Variants in MEAK7 observed in about 807,000 individuals in gnomAD.
MEAK7 encodes the protein MTOR associated protein MEAK7, also known as MTOR-associated protein MEAK7.
Under a neutral mutation model 40.5 loss-of-function variants are expected in MEAK7, and 68 were observed. That is an observed-to-expected ratio of 1.68 (90% CI 1.38 to 2.06). The LOEUF is 2.06. Among genes scored for constraint, MEAK7 ranks in the 30% most tolerant of loss-of-function variants. The probability of loss-of-function intolerance (pLI) is 0.00; values close to 1 mark genes in which losing one functional copy is unlikely to be tolerated. For synonymous variants in MEAK7, 338 were observed against 231.9 expected (o/e 1.46, Z -4.16); for missense variants, 918 against 580.5 (o/e 1.58, Z -5.98).
chr16:84,482,665 A>G lies in MEAK7; in HGVS notation c.1004T>C (p.Val335Ala), dbSNP rs1912675407. ...FLFSICPSMA[V>A]YTHTGYNDHY... ...GTCGTTGTAGCCCGTGTGTGTGTAC[A>G]CAGCCATGCTGGGGCAGATGGAGAA... is the stretch of plus-strand genomic sequence containing the variant. The change falls in exon 6 of 8, where the codon GTG becomes GCG. Residue 335 changes from valine (V) to alanine (A), a missense_variant. Coordinates refer to ENST00000343629, the MANE Select transcript of MEAK7 (RefSeq NM_020947.4). 1.2e-6 allele frequency: 2 copies of G among 1,614,236 alleles called. No homozygotes were observed. The highest frequency in any genetic ancestry group is 1.7e-6 in the Non-Finnish European group (2 of 1,180,040).
chr16:84,487,918 A>G (rs1181541004), intron 4 of MEAK7: 2 of 152,218 alleles, frequency 1.3e-5, no homozygotes, highest in African/African-American at 4.8e-5. Flanking sequence ...TTACGTCTTA[A>G]GCTCTTGCTG....
At chr16:84,490,658 G>GTGTGTGTA (rs1555513475) in intron 3 of MEAK7, among the ~76,000 whole-genome samples, 2 of 127,586 alleles carry the variant, frequency 1.6e-5, no homozygotes, top group African/African-American at 7.2e-5. Context: ...ATCAAGATGT[G>GTGTGTGTA]TGTGTGTGTG....
chr16:84,495,759 G>A lies in MEAK7; in HGVS notation c.308C>T (p.Ser103Phe). The A allele has an allele frequency of 6.2e-7, 1 of 1,613,960 alleles. No individual in the cohort carries two copies. The highest frequency in any genetic ancestry group is 8.5e-7 in the Non-Finnish European group (1 of 1,180,020). The change falls in exon 3 of 8, where the codon TCC becomes TTC. Residue 103 changes from serine to phenylalanine, a missense_variant. Coordinates refer to ENST00000343629, the MANE Select transcript of MEAK7 (RefSeq NM_020947.4). ...ASMSHLLKGN[S>F]EEKSLMIMKM... Reference sequence around the variant, plus strand: ...CATAATCATGAGACTCTTCTCCTCGGAGTTTCCTTTCAACAGGTGGGACAT... The same window carrying A: ...CATAATCATGAGACTCTTCTCCTCGAAGTTTCCTTTCAACAGGTGGGACAT...
intron 6 of MEAK7, among the ~76,000 whole-genome samples, chr16:84,481,297 T>C (rs1446542649): frequency 2.6e-5 from 4 of 152,182 alleles, no homozygotes; most frequent in Non-Finnish European, 4.4e-5. Context: ...CCTCCTCTGG[T>C]CCCTGGTAGG....
At chr16:84,502,152 A>G (rs1008155005) in intron 1 of MEAK7, among the ~76,000 whole-genome samples, 1 of 151,998 alleles carries the variant, frequency 6.6e-6, no homozygotes, top group Non-Finnish European at 1.5e-5. Flanking sequence ...CTCAAAAAAA[A>G]AAAAGACAAT....
chr16:84,480,787 C>G, intron 6 of MEAK7, 79 bp from the exon 7 acceptor site: 4 of 1,477,614 alleles, frequency 2.7e-6, no homozygotes, highest in Admixed American at 2.3e-5. Flanking sequence ...AAGCCAGCCT[C>G]TCGCCTTAAG....
chr16:84,495,632 T>C (rs1913972729), intron 3 of MEAK7, 51 bp downstream of exon 3: 1 of 1,578,720 alleles, frequency 6.3e-7, no homozygotes, highest in Admixed American at 1.7e-5. Context: ...CCCCCACCGA[T>C]GGTCACCAAG....
chr16:84,486,735 T>G lies in MEAK7; in HGVS notation c.854A>C (p.His285Pro). Residue 285 changes from histidine to proline, a missense_variant, in exon 5 of 8, where the codon CAC (histidine) becomes CCC (proline). Coordinates refer to ENST00000343629, the MANE Select transcript of MEAK7 (RefSeq NM_020947.4). ...HGHSFSQLCG[H>P]ITHRGPCVAV... is the part of the protein sequence containing the mutation. ...CACACAGGGTCCCCGGTGAGTGATGTGGCCACAGAGCTGGGAGAAGCTGTG... is the reference window on the plus strand; with the variant it reads ...CACACAGGGTCCCCGGTGAGTGATGGGGCCACAGAGCTGGGAGAAGCTGTG... 1 of 1,613,992 alleles carries G rather than the reference T, an allele frequency of 6.2e-7. No homozygotes were observed.
At position 84,489,342 on chromosome 16, in the gene MEAK7, G is replaced by A; in HGVS notation, c.465C>T (p.Ala155=). The change falls in exon 4 of 8, where the codon GCC becomes GCT. Residue 155 remains alanine, a synonymous_variant. Coordinates refer to ENST00000343629, the MANE Select transcript of MEAK7 (RefSeq NM_020947.4). The part of the protein sequence containing the change: ...QELRGWTGKE[A]PGPNPRVQVL... Reference sequence around the variant, plus strand: ...CCTGCACCCGGGGGTTGGGCCCTGGGGCTTCCTTCCCAGTCCAGCCTCTCA... The same window carrying A: ...CCTGCACCCGGGGGTTGGGCCCTGGAGCTTCCTTCCCAGTCCAGCCTCTCA... 2 of 1,614,152 alleles carry A rather than the reference G, an allele frequency of 1.2e-6. No individual in the cohort carries two copies. Among genetic ancestry groups the A allele is most frequent in the Admixed American group, 1.7e-5 (1 of 60,028 alleles).
At chr16:84,495,028 G>C (rs555074404) in intron 3 of MEAK7, among the ~76,000 whole-genome samples, 4 of 152,136 alleles carry the variant, frequency 2.6e-5, no homozygotes, top group Non-Finnish European at 5.9e-5. Context: ...TACCACTTTG[G>C]GAGGCCAAGG....
At chr16:84,503,746 C>G (rs1238999588) in intron 1 of MEAK7, among the ~76,000 whole-genome samples, 4 of 152,132 alleles carry the variant, frequency 2.6e-5, no homozygotes, top group Non-Finnish European at 5.9e-5. Flanking sequence ...GAAGGTTGCT[C>G]TGCCTCCGTG....
chr16:84,492,991 C>CA lies in MEAK7; in HGVS notation c.384+2691dup, dbSNP rs547487104. On this transcript the variant is annotated intron_variant, in intron 3 of 7. Coordinates refer to ENST00000343629, the MANE Select transcript of MEAK7 (RefSeq NM_020947.4). ...TTTTGATATTAGGTCCCTTGAGCTC[C>CA]AAGGGAGACATATTGGGCTTACTTG... Among the ~76,000 whole-genome samples the CA allele has an allele frequency of 5.9e-5, 9 of 152,262 alleles. No individual in the cohort carries two copies. In the South Asian group the frequency reaches 1.9e-3, roughly 32 times the overall value.
chr16:84,480,071 C>A, intron 7 of MEAK7, 45 bp from the exon 8 acceptor site: 4 of 1,445,322 alleles, frequency 2.8e-6, no homozygotes, highest in Non-Finnish European at 2.8e-6. Context: ...GATGGCCCAA[C>A]AAGAGGCAGC....
At position 84,479,892 on chromosome 16, in the gene MEAK7, C is replaced by T; in HGVS notation, c.*21G>A. 6.4e-7 allele frequency: 1 copy of T among 1,568,034 alleles called. No individual in the cohort carries two copies. The highest frequency in any genetic ancestry group is 8.7e-7 in the Non-Finnish European group (1 of 1,150,478). On this transcript the variant is annotated 3_prime_UTR_variant, in exon 8 of 8. Coordinates refer to ENST00000343629, the MANE Select transcript of MEAK7 (RefSeq NM_020947.4). ...CCCAGAGGAATCCAGGTCCTGGCTC[C>T]AGGAAGGCTCAGGCGGCTCCTCATT...
intron 3 of MEAK7, among the ~76,000 whole-genome samples, chr16:84,494,396 T>C (rs1913873776): frequency 1.3e-5 from 2 of 152,236 alleles, no homozygotes; most frequent in Non-Finnish European, 2.9e-5. Flanking sequence ...GCTACAAGTC[T>C]TTAAAATAAC....
chr16:84,493,107 G>C (rs766967561), intron 3 of MEAK7, among the ~76,000 whole-genome samples: 1 of 152,180 alleles, frequency 6.6e-6, no homozygotes, highest in Non-Finnish European at 1.5e-5. Flanking sequence ...TTATTAGTAT[G>C]TGTTCCAAAA....
At chr16:84,499,412 A>G (rs1914318425) in intron 1 of MEAK7, among the ~76,000 whole-genome samples, 1 of 152,162 alleles carries the variant, frequency 6.6e-6, no homozygotes, top group African/African-American at 2.4e-5. Context: ...TATTTAGCCA[A>G]GGGGGAAAGG....
Position 84,480,630 on chromosome 16 carries a change from T to C in MEAK7, c.1156A>G (p.Thr386Ala), listed in dbSNP as rs768446060. ...TGCGGGCTGTTGTACGTGGTGCACG[T>C]GGGCTTGGCTCTGCTGTGTCCTTTC... ...FGKGHSRAKP[T>A]CTTYNSPQLS... Residue 386 changes from threonine (T) to alanine (A), a missense_variant, in exon 7 of 8, where the codon ACG becomes GCG. By Grantham distance (58) the Thr-to-Ala change is moderately conservative. Coordinates refer to ENST00000343629, the MANE Select transcript of MEAK7 (RefSeq NM_020947.4). The C allele has an allele frequency of 1.2e-6, 2 of 1,614,032 alleles. No homozygotes were observed. Among genetic ancestry groups the C allele is most frequent in the South Asian group, 2.2e-5 (2 of 91,078 alleles).
At chr16:84,496,741 C>T (rs1243169046) in intron 2 of MEAK7, among the ~76,000 whole-genome samples, 1 of 152,132 alleles carries the variant, frequency 6.6e-6, no homozygotes, top group East Asian at 1.9e-4. Context: ...GGGTGTAGCT[C>T]ACTTTGGCCA....
Sources: gnomAD v4.1 joint callset for allele counts (sites outside exome capture counted in the v4.1 genomes callset) on GRCh38, gnomAD v4.1.1 for gene constraint, MANE v1.5 for transcripts, NCBI Gene and HGNC (gene_info 2026-07-23, HGNC 2026-07-21) for gene names.